Variants in JAKMIP1 observed in about 807,000 individuals in gnomAD.
The protein encoded by JAKMIP1 is janus kinase and microtubule interacting protein 1, also known as janus kinase and microtubule-interacting protein 1.
Under a neutral mutation model 113.0 loss-of-function variants are expected in JAKMIP1, and 33 were observed. The ratio of observed to expected loss-of-function variants is 0.29; its 90% CI spans 0.22 to 0.39. JAKMIP1 has a LOEUF of 0.39. Among genes scored for constraint, JAKMIP1 ranks in the 10% least tolerant of loss-of-function variants. The pLI is 1.00. For synonymous variants in JAKMIP1, 480 were observed against 459.9 expected (o/e 1.04, Z -0.56); for missense variants, 813 against 1,080.5 (o/e 0.75, Z 3.47).
At position 6,086,175 on chromosome 4, in the gene JAKMIP1, T is replaced by C. The variant is rs1193824767; in HGVS notation, c.625-546A>G. 6.6e-6 allele frequency among the ~76,000 whole-genome samples: 1 copy of C among 152,114 alleles called. No homozygotes were observed. Among genetic ancestry groups the C allele is most frequent in the Non-Finnish European group, 1.5e-5 (1 of 68,008 alleles). ...ACCCACTCCCAGACTCACGACCTCCTGCTCCCTCTCCCCAAGGCCACTTCC... is the reference window on the plus strand; with the variant it reads ...ACCCACTCCCAGACTCACGACCTCCCGCTCCCTCTCCCCAAGGCCACTTCC... On this transcript the variant is annotated intron_variant, in intron 3 of 20. Coordinates refer to ENST00000409021, the MANE Select transcript of JAKMIP1 (RefSeq NM_001099433.2). The surrounding 1 kb of genome is among the most constrained non-coding windows in gnomAD (Gnocchi z 4.1).
At position 6,183,476 on chromosome 4, in the gene JAKMIP1, C is replaced by CTAAATAAATAAATAAATAAATAAA. The variant is rs1208391273; in HGVS notation, c.-148+16776_-148+16777insTTTATTTATTTATTTATTTATTTA. 1.1e-3 allele frequency among the ~76,000 whole-genome samples: 4 copies of CTAAATAAATAAATAAATAAATAAA among 3,546 alleles called. No individual in the cohort carries two copies. Among genetic ancestry groups the CTAAATAAATAAATAAATAAATAAA allele is most frequent in the Admixed American group, 3.0e-3 (1 of 328 alleles). The allele number at this position is 3,546 out of a possible 152,430, so 2.3% of individuals were successfully genotyped here. On this transcript the variant is annotated intron_variant, in intron 1 of 20. Coordinates refer to ENST00000409021, the MANE Select transcript of JAKMIP1 (RefSeq NM_001099433.2). The surrounding 1 kb of genome is among the most constrained non-coding windows in gnomAD (Gnocchi z 5.3). ...CCTGGGTGACAGAGCAAGACTCTGT[C>CTAAATAAATAAATAAATAAATAAA]TCAATAAATAAATAAATAAATAAAT...
intron 1 of JAKMIP1, among the ~76,000 whole-genome samples, chr4:6,123,861 GA>G (rs777641224): frequency 3.9e-5 from 6 of 152,196 alleles, no homozygotes; most frequent in Non-Finnish European, 7.3e-5. Flanking sequence ...GGAAGTCTAG[GA>G]AATTAACTTT....
Position 6,188,665 on chromosome 4 carries a change from A to G in JAKMIP1, c.-148+11588T>C, listed in dbSNP as rs1726899808. On this transcript the variant is annotated intron_variant, in intron 1 of 20. Coordinates refer to ENST00000409021, the MANE Select transcript of JAKMIP1 (RefSeq NM_001099433.2). The surrounding 1 kb of genome is among the most constrained non-coding windows in gnomAD (Gnocchi z 5.8). ...GGCACCTGAGGTTTGGGGCACCTGC[A>G]TCCCTCCCCCATCTTCTGGCTAGAG... Among the ~76,000 whole-genome samples the G allele has an allele frequency of 6.6e-6, 1 of 152,174 alleles. No homozygotes were observed. Among genetic ancestry groups the G allele is most frequent in the Non-Finnish European group, 1.5e-5 (1 of 68,018 alleles).
intron 17 of JAKMIP1, among the ~76,000 whole-genome samples, chr4:6,041,216 C>G (rs1446179010): frequency 6.6e-6 from 1 of 152,290 alleles, no homozygotes; most frequent in East Asian, 1.9e-4. Context: ...CTCCGGAGTG[C>G]AAATCTCTTT....
In JAKMIP1 at chr4:6,088,752, C is replaced by G. The variant is rs1249786268; in HGVS notation, c.625-3123G>C. 6.6e-6 allele frequency among the ~76,000 whole-genome samples: 1 copy of G among 152,196 alleles called. No homozygotes were observed. The highest frequency in any genetic ancestry group is 1.9e-4 in the East Asian group (1 of 5,188). ...TTACTCCTGGATCACAAGCTGAGCTCTTAGTGATCCTATCTCGCTGCCCTT... is the reference window on the plus strand; with the variant it reads ...TTACTCCTGGATCACAAGCTGAGCTGTTAGTGATCCTATCTCGCTGCCCTT... On this transcript the variant is annotated intron_variant, in intron 3 of 20. Transcript: ENST00000409021. The surrounding 1 kb of genome is among the most constrained non-coding windows in gnomAD (Gnocchi z 5.5).
chr4:6,031,453 A>T lies in JAKMIP1; in HGVS notation c.2380-1672T>A, dbSNP rs1181220708. 1.3e-5 allele frequency among the ~76,000 whole-genome samples: 2 copies of T among 152,156 alleles called. No homozygotes were observed. Among genetic ancestry groups the T allele is most frequent in the Non-Finnish European group, 2.9e-5 (2 of 68,038 alleles). ...AAAGAGGCATGAGGAGGGGTGAGGT[A>T]TCGTGCCGTGGGCTGGAGGAGACGT... On this transcript the variant is annotated intron_variant, in intron 19 of 20. Coordinates refer to ENST00000409021, the MANE Select transcript of JAKMIP1 (RefSeq NM_001099433.2). The surrounding 1 kb of genome is among the most constrained non-coding windows in gnomAD (Gnocchi z 4.4).
intron 9 of JAKMIP1, among the ~76,000 whole-genome samples, chr4:6,062,766 C>T (rs1308981648): frequency 6.6e-6 from 1 of 152,206 alleles, no homozygotes; most frequent in Non-Finnish European, 1.5e-5. Context: ...GGGCTGGTAC[C>T]ATGGAACCAG....
chr4:6,090,644 C>T (rs1721926563), intron 3 of JAKMIP1, among the ~76,000 whole-genome samples: 2 of 152,042 alleles, frequency 1.3e-5, no homozygotes, highest in South Asian at 4.1e-4. Flanking sequence ...GTGTCACCGC[C>T]TCATGTTGAC....
Position 6,076,074 on chromosome 4 carries a change from G to A in JAKMIP1, c.1302+2865C>T, listed in dbSNP as rs1051015917. Reference sequence around the variant, plus strand: ...GCCTGTAATCTCGGCTACTTGGGAGGCTGAGGCAGGAGAATCGCTTGAACC... The same window carrying A: ...GCCTGTAATCTCGGCTACTTGGGAGACTGAGGCAGGAGAATCGCTTGAACC... On this transcript the variant is annotated intron_variant, in intron 8 of 20. Coordinates refer to ENST00000409021, the MANE Select transcript of JAKMIP1 (RefSeq NM_001099433.2). The surrounding 1 kb of genome is among the most constrained non-coding windows in gnomAD (Gnocchi z 4.8). 6.6e-6 allele frequency among the ~76,000 whole-genome samples: 1 copy of A among 152,192 alleles called. No individual in the cohort carries two copies. Among genetic ancestry groups the A allele is most frequent in the East Asian group, 1.9e-4 (1 of 5,202 alleles).
rs537905156 is a variant in JAKMIP1 at position 6,192,677 on chromosome 4, C to T, written c.-148+7576G>A. ...ATTGCACACCTGCTCTGTGCCAATG[C>T]CCAAGGCTGACAGAGGAGGAGAAAC... On this transcript the variant is annotated intron_variant, in intron 1 of 20. Transcript: ENST00000409021. This position sits in a 1 kb window ranked among gnomAD's most constrained non-coding sequence, Gnocchi z 5.0. 9.8e-5 allele frequency among the ~76,000 whole-genome samples: 15 copies of T among 152,296 alleles called. 1 individual carries two copies. The South Asian group carries it at 2.1e-3, about 21-fold the overall frequency.
In JAKMIP1 at chr4:6,176,371, G is replaced by T. The variant is rs1049471331; in HGVS notation, c.-148+23882C>A. The stretch of plus-strand genomic sequence containing the variant: ...TATGAAGATCCCTGAGGTGAACCAT[G>T]AATACAAACATTTTAGGAGGCAAAA... On this transcript the variant is annotated intron_variant, in intron 1 of 20. Coordinates refer to ENST00000409021, the MANE Select transcript of JAKMIP1 (RefSeq NM_001099433.2). The surrounding 1 kb of genome is among the most constrained non-coding windows in gnomAD (Gnocchi z 5.5). Among the ~76,000 whole-genome samples, 1 of 152,214 alleles carries T rather than the reference G, an allele frequency of 6.6e-6. No individual in the cohort carries two copies. The highest frequency in any genetic ancestry group is 2.4e-5 in the African/African-American group (1 of 41,450).
At chr4:6,182,470 C>T (rs965744669) in intron 1 of JAKMIP1, among the ~76,000 whole-genome samples, 5 of 150,890 alleles carry the variant, frequency 3.3e-5, no homozygotes, top group Non-Finnish European at 7.4e-5. Flanking sequence ...AGGAGGGGGA[C>T]ACAAGAGAGC....
rs980749339 is a variant in JAKMIP1 at position 6,157,362 on chromosome 4, T to C, written c.-148+42891A>G. On this transcript the variant is annotated intron_variant, in intron 1 of 20. Transcript: ENST00000409021. The surrounding 1 kb of genome is among the most constrained non-coding windows in gnomAD (Gnocchi z 4.7). ...TGGGAAGCTGGCGCACAACACAGGG[T>C]TGTCCCAAGAACCAAATGAGATTAA... Among the ~76,000 whole-genome samples the C allele has an allele frequency of 1.3e-5, 2 of 152,136 alleles. No individual in the cohort carries two copies. The highest frequency in any genetic ancestry group is 4.8e-5 in the African/African-American group (2 of 41,438).
chr4:6,083,775 T>A (rs1296801171), intron 5 of JAKMIP1, among the ~76,000 whole-genome samples: 1 of 152,168 alleles, frequency 6.6e-6, no homozygotes, highest in Non-Finnish European at 1.5e-5. Flanking sequence ...ATAAAAATTA[T>A]GAGGCATCTG....
chr4:6,068,864 C>G (rs1380111706), intron 8 of JAKMIP1, among the ~76,000 whole-genome samples: 1 of 152,108 alleles, frequency 6.6e-6, no homozygotes, highest in African/African-American at 2.4e-5. Flanking sequence ...GCCATCATGC[C>G]CAGCCTTAAC....
intron 1 of JAKMIP1, among the ~76,000 whole-genome samples, chr4:6,149,045 T>A (rs912200186): frequency 6.6e-6 from 1 of 152,074 alleles, no homozygotes; most frequent in African/African-American, 2.4e-5. Flanking sequence ...CAAGAGGCCG[T>A]GTAACCCGCA....
At position 6,199,400 on chromosome 4, in the gene JAKMIP1, AG is replaced by A. The variant is rs1728199704; in HGVS notation, c.-148+852del. Among the ~76,000 whole-genome samples, 3 of 152,108 alleles carry A rather than the reference AG, an allele frequency of 2.0e-5. No homozygotes were observed. On this transcript the variant is annotated intron_variant, in intron 1 of 20. Transcript: ENST00000409021. The surrounding 1 kb of genome is among the most constrained non-coding windows in gnomAD (Gnocchi z 5.6). ...GGCCGGATGCTCAGGAGCCCACAGC[AG>A]GGGGGATGGAGCGAAGGACCGAGGG...
rs567031092 is a variant in JAKMIP1 at position 6,122,489 on chromosome 4, T to C, written c.-147-9492A>G. On this transcript the variant is annotated intron_variant, in intron 1 of 20. Coordinates refer to ENST00000409021, the MANE Select transcript of JAKMIP1 (RefSeq NM_001099433.2). Reference sequence around the variant, plus strand: ...CTACAAAGACGCTGCATTGCATATTTAGCATGAAATCACAAAAGATTCTTG... The same window carrying C: ...CTACAAAGACGCTGCATTGCATATTCAGCATGAAATCACAAAAGATTCTTG... Among the ~76,000 whole-genome samples the C allele has an allele frequency of 3.9e-5, 6 of 152,344 alleles. No homozygotes were observed. In the South Asian group the frequency reaches 1.2e-3, roughly 32 times the overall value.
intron 1 of JAKMIP1, among the ~76,000 whole-genome samples, chr4:6,119,189 C>T (rs1451600259): frequency 1.3e-5 from 2 of 152,082 alleles, no homozygotes; most frequent in Non-Finnish European, 2.9e-5. Flanking sequence ...GTTTACCACC[C>T]AGTTTGTGGT....
Sources: gnomAD v4.1 joint callset for allele counts (sites outside exome capture counted in the v4.1 genomes callset) on GRCh38, gnomAD v4.1.1 for gene constraint, Gnocchi (gnomAD v3.1) non-coding constraint, MANE v1.5 for transcripts, NCBI Gene and HGNC (gene_info 2026-07-23, HGNC 2026-07-21) for gene names.